Variants in KANK1 observed in about 807,000 individuals in gnomAD.
The protein encoded by KANK1 is KN motif and ankyrin repeat domains 1, also known as KN motif and ankyrin repeat domain-containing protein 1.
A neutral mutation model predicts 106.2 loss-of-function variants in KANK1; 109 were observed. That is an observed-to-expected ratio of 1.03 (90% confidence interval 0.88 to 1.20). The LOEUF is 1.20. KANK1 is among the 50% of genes most tolerant of loss of function. The probability of loss-of-function intolerance (pLI) is 0.00; values close to 1 mark genes in which losing one functional copy is unlikely to be tolerated. For synonymous variants in KANK1, 873 were observed against 652.2 expected, an observed-to-expected ratio of 1.34 and a Z score of -5.16; for missense variants, 2,399 against 1,710.7, an observed-to-expected ratio of 1.40 and a Z score of -7.10.
intron 1 of KANK1, among the ~76,000 whole-genome samples, chr9:520,474 G>C (rs2059494742): frequency 1.3e-5 from 2 of 151,800 alleles, no homozygotes; most frequent in Non-Finnish European, 2.9e-5. Context: ...CAATGTGGTA[G>C]AGAAGTGTGG....
At chr9:646,623 G>A (rs1839727783) in intron 1 of KANK1, among the ~76,000 whole-genome samples, 1 of 150,044 alleles carries the variant, frequency 6.7e-6, no homozygotes, top group Non-Finnish European at 1.5e-5. Flanking sequence ...ATTGTGCTGT[G>A]ATAACAATGT....
At chr9:679,458 A>AGGCT (rs1817078344) in intron 2 of KANK1, among the ~76,000 whole-genome samples, 2 of 152,192 alleles carry the variant, frequency 1.3e-5, no homozygotes, top group Non-Finnish European at 2.9e-5. Flanking sequence ...TCTGTCACCC[A>AGGCT]GGCTGGAGTG....
intron 1 of KANK1, among the ~76,000 whole-genome samples, chr9:513,718 C>T (rs2059132453): frequency 6.6e-6 from 1 of 152,042 alleles, no homozygotes; most frequent in Non-Finnish European, 1.5e-5. Flanking sequence ...ACTGGTTCAC[C>T]CTTTGACCTT....
Position 744,524 on chromosome 9 carries a change from G to A in KANK1, c.3931G>A (p.Ala1311Thr), listed in dbSNP as rs138870324. 1.5e-5 allele frequency: 25 copies of A among 1,614,038 alleles called. No individual in the cohort carries two copies. The highest frequency in any genetic ancestry group is 2.1e-5 in the Non-Finnish European group (25 of 1,180,016). ...GSTALSIALEAGHKDIAVLLY... is the reference protein window; with the variant it reads ...GSTALSIALETGHKDIAVLLY... ...CACTGCGCTCTCAATCGCCCTGGAA[G>A]CAGGACACAAGGACATCGCTGTTCT... The change falls in exon 11 of 12, where the codon GCA becomes ACA. Residue 1311 changes from alanine (A) to threonine (T), a missense_variant. Transcript: ENST00000382297.
intron 1 of KANK1, among the ~76,000 whole-genome samples, chr9:555,121 A>G (rs1322390277): frequency 1.3e-5 from 2 of 152,330 alleles, no homozygotes; most frequent in African/African-American, 2.4e-5. Context: ...CTAATAAGTC[A>G]TAAGACAGTA....
At chr9:612,459 G>A (rs187779901) in intron 1 of KANK1, among the ~76,000 whole-genome samples, 69 of 152,010 alleles carry the variant, frequency 4.5e-4, no homozygotes, top group South Asian at 4.1e-3. Flanking sequence ...CCACATTATC[G>A]GTGTTTTTTT....
At chr9:650,237 G>A (rs1038471649) in intron 1 of KANK1, among the ~76,000 whole-genome samples, 1 of 152,138 alleles carries the variant, frequency 6.6e-6, no homozygotes, top group Non-Finnish European at 1.5e-5. Context: ...CAGCTGTATT[G>A]GAGTTTGGGA....
chr9:615,363 T>A (rs1588273066), intron 1 of KANK1, among the ~76,000 whole-genome samples: 1 of 152,366 alleles, frequency 6.6e-6, no homozygotes, highest in African/African-American at 2.4e-5. Flanking sequence ...TGGCATCATA[T>A]GCTCTTCCTT....
At chr9:635,387 T>C (rs1027594678) in intron 1 of KANK1, among the ~76,000 whole-genome samples, 6 of 152,172 alleles carry the variant, frequency 3.9e-5, no homozygotes, top group Non-Finnish European at 8.8e-5. Flanking sequence ...CTGAGGTCCT[T>C]TGGGGCATGC....
intron 2 of KANK1, among the ~76,000 whole-genome samples, chr9:697,076 CTGTG>C (rs3028272): frequency 0.21 from 31,249 of 150,944 alleles, 3,401 homozygotes; most frequent in Middle Eastern, 0.24. Flanking sequence ...TTTGTTCCAT[CTGTG>C]TGTGTGTGTG....
At chr9:596,952 T>G (rs565735268) in intron 1 of KANK1, among the ~76,000 whole-genome samples, 1 of 73,848 alleles carries the variant, frequency 1.4e-5, no homozygotes, top group African/African-American at 2.9e-5. Context: ...TCAGTCTCTA[T>G]GAATTTACAA....
At chr9:604,125 A>G (rs892316154) in intron 1 of KANK1, among the ~76,000 whole-genome samples, 3 of 151,724 alleles carry the variant, frequency 2.0e-5, no homozygotes, top group Non-Finnish European at 4.4e-5. Context: ...GATTAATGTT[A>G]CAGCTGATAT....
Position 710,833 on chromosome 9 carries a change from C to G in KANK1, c.67C>G (p.Gln23Glu), listed in dbSNP as rs1825838217. 4 of 1,605,372 alleles carry G rather than the reference C, an allele frequency of 2.5e-6. No individual in the cohort carries two copies. Among genetic ancestry groups the G allele is most frequent in the Non-Finnish European group, 3.4e-6 (4 of 1,176,902 alleles). The change falls in exon 3 of 12, where the codon CAG (glutamine) becomes GAG (glutamate). Residue 23 changes from glutamine to glutamate, a missense_variant. Gln to Glu is a conservative substitution (Grantham distance 29, BLOSUM62 2). Transcript: ENST00000382297. ...AGCAGGTGATATTCTCAGTGGAGAC[C>G]AGGACAAGGAACAGAAAGACCCTTA... ...GKAGDILSGD[Q>E]DKEQKDPYFV... is the part of the protein sequence containing the mutation.
At chr9:503,420 T>A (rs1379937752), upstream of KANK1, among the ~76,000 whole-genome samples, 2 of 152,166 alleles carry the variant, frequency 1.3e-5, no homozygotes, top group Non-Finnish European at 2.9e-5. Context: ...CCGGCTGCCC[T>A]TTGCCTATTC....
At chr9:560,929 T>A (rs1338791977) in intron 1 of KANK1, among the ~76,000 whole-genome samples, 1 of 152,178 alleles carries the variant, frequency 6.6e-6, no homozygotes, top group Non-Finnish European at 1.5e-5. Context: ...GTTAAAAAGA[T>A]TGAAGGTTTC....
At chr9:684,801 T>C (rs1361038777) in intron 2 of KANK1, among the ~76,000 whole-genome samples, 1 of 152,196 alleles carries the variant, frequency 6.6e-6, no homozygotes, top group African/African-American at 2.4e-5. Flanking sequence ...AGTCACCGCT[T>C]TGGCTCCTTT....
At chr9:575,221 C>A (rs1820228008) in intron 1 of KANK1, among the ~76,000 whole-genome samples, 2 of 152,202 alleles carry the variant, frequency 1.3e-5, no homozygotes, top group South Asian at 4.1e-4. Flanking sequence ...TAATAACCTT[C>A]AGTGAGATTT....
chr9:615,939 T>C (rs1831710962), intron 1 of KANK1, among the ~76,000 whole-genome samples: 1 of 152,174 alleles, frequency 6.6e-6, no homozygotes, highest in African/African-American at 2.4e-5. Context: ...TGATAGCATA[T>C]GTTCAACAGC....
Position 514,861 on chromosome 9 carries a change from G to A in KANK1, c.-84+10107G>A, listed in dbSNP as rs189779136. Among the ~76,000 whole-genome samples the A allele has an allele frequency of 9.8e-4, 149 of 151,818 alleles. 6 individuals are homozygous for A. Among genetic ancestry groups the A allele is most frequent in the African/African-American group, 3.5e-3 (143 of 41,110 alleles). On this transcript the variant is annotated intron_variant, in intron 1 of 11. Transcript: ENST00000382297. ...AACTGGAGTAGGTACCGTCAGAGTG[G>A]TTTTATCAAGCGGTATTCCCAGCAG... is the stretch of plus-strand genomic sequence containing the variant.
Sources: gnomAD v4.1 joint callset for allele counts (sites outside exome capture counted in the v4.1 genomes callset) on GRCh38, gnomAD v4.1.1 for gene constraint, MANE v1.5 for transcripts, NCBI Gene and HGNC (gene_info 2026-07-23, HGNC 2026-07-21) for gene names.